Variants in BMP8A observed in about 807,000 individuals in gnomAD.
The protein encoded by BMP8A is bone morphogenetic protein 8a, also known as BMP-8A.
BMP8A carries 14 observed loss-of-function variants against 36.8 expected under a neutral mutation model. The observed-to-expected ratio is 0.38, with a 90% CI of 0.25 to 0.60. The LOEUF is 0.60. BMP8A is among the 20% of genes least tolerant of loss of function. The pLI is 0.63. For missense variants in BMP8A, 267 were observed against 551.1 expected (o/e 0.48, Z 5.16); for synonymous variants, 120 against 237.7 (o/e 0.50, Z 4.55).
chr1:39,498,773 G>A (rs930333750), intron 1 of BMP8A, among the ~76,000 whole-genome samples: 5 of 152,034 alleles, frequency 3.3e-5, no homozygotes, highest in East Asian at 3.9e-4. Flanking sequence ...AGCCAGGCAG[G>A]CCCAGCCCAT....
At chr1:39,517,523 C>T (rs1453703115) in intron 3 of BMP8A, among the ~76,000 whole-genome samples, 1 of 152,000 alleles carries the variant, frequency 6.6e-6, no homozygotes, top group Admixed American at 6.6e-5. Context: ...TAGGGTTTCT[C>T]CATATTGGCC....
In BMP8A at chr1:39,491,941, CA is replaced by C. The variant is rs1043437270; in HGVS notation, c.-50del. 4 of 1,058,586 alleles carry C rather than the reference CA, an allele frequency of 3.8e-6. No homozygotes were observed. In the African/African-American group the frequency reaches 6.8e-5, roughly 18 times the overall value. 65.6% of individuals were successfully genotyped at this position (1,058,586 alleles called of 1,614,324 possible). On this transcript the variant is annotated 5_prime_UTR_variant, in exon 1 of 7. Transcript: ENST00000331593. ...TTCGCCGTCGGGGCGTCCCCGGGCCCAGGGGCGGCGGCGGAGCTGATGTGCG... is the reference window on the plus strand; with the variant it reads ...TTCGCCGTCGGGGCGTCCCCGGGCCCGGGGCGGCGGCGGAGCTGATGTGCG...
intron 1 of BMP8A, among the ~76,000 whole-genome samples, chr1:39,503,783 G>A (rs1382501093): frequency 6.6e-6 from 1 of 151,712 alleles, no homozygotes; most frequent in Non-Finnish European, 1.5e-5. Flanking sequence ...AAAGTGCTAG[G>A]ATTATAGGCA....
Position 39,524,403 on chromosome 1 carries a change from C to A in BMP8A, c.1060-1246C>A, listed in dbSNP as rs1324867874. Among the ~76,000 whole-genome samples the A allele has an allele frequency of 1.3e-5, 2 of 152,174 alleles. No homozygotes were observed. The highest frequency in any genetic ancestry group is 4.8e-5 in the African/African-American group (2 of 41,452). On this transcript the variant is annotated intron_variant, in intron 6 of 6. Coordinates refer to ENST00000331593, the MANE Select transcript of BMP8A (RefSeq NM_181809.4). This position sits in a 1 kb window ranked among gnomAD's most constrained non-coding sequence, Gnocchi z 4.0. ...AAACCAACCGTGGAGTTGACACCTC[C>A]TGTGAGGAAGAGCAGAGCAGCCGTG...
chr1:39,499,050 C>T (rs1645230919), intron 1 of BMP8A, among the ~76,000 whole-genome samples: 1 of 152,154 alleles, frequency 6.6e-6, no homozygotes, highest in Admixed American at 6.5e-5. Context: ...GATGAGCTGA[C>T]ATGCGAGCCT....
chr1:39,515,778 G>C, intron 3 of BMP8A: 1 of 1,592,460 alleles, frequency 6.3e-7, no homozygotes, highest in Non-Finnish European at 8.6e-7. Context: ...CGAATTGAGC[G>C]CTTAACGATC....
chr1:39,493,544 C>T (rs966899171), intron 1 of BMP8A, among the ~76,000 whole-genome samples: 2 of 152,200 alleles, frequency 1.3e-5, no homozygotes, highest in Non-Finnish European at 2.9e-5. Flanking sequence ...TGCAGCAGGT[C>T]TTGTGGGGCC....
chr1:39,496,529 A>G (rs1570272657), intron 1 of BMP8A, among the ~76,000 whole-genome samples: 1 of 151,948 alleles, frequency 6.6e-6, no homozygotes, highest in African/African-American at 2.4e-5. Flanking sequence ...AAATGGAGAT[A>G]CTCATCTTAT....
chr1:39,499,700 G>A (rs763315491), intron 1 of BMP8A, among the ~76,000 whole-genome samples: 1 of 152,276 alleles, frequency 6.6e-6, no homozygotes. Context: ...GGAGGCTGAG[G>A]GCTCTCTGAT....
chr1:39,491,929 C>T lies in BMP8A; in HGVS notation c.-63C>T. 9.5e-7 allele frequency: 1 copy of T among 1,050,350 alleles called. No homozygotes were observed. Among genetic ancestry groups the T allele is most frequent in the Non-Finnish European group, 1.1e-6 (1 of 872,508 alleles). 65.1% of individuals were successfully genotyped at this position (1,050,350 alleles called of 1,614,324 possible). A position where few individuals can be genotyped will look rare whatever the true frequency, so the allele number is the denominator to read the frequency against. On this transcript the variant is annotated 5_prime_UTR_variant, in exon 1 of 7. Transcript: ENST00000331593. ...CTCAGCTCCCCGTTCGCCGTCGGGGCGTCCCCGGGCCCAGGGGCGGCGGCG... is the reference window on the plus strand; with the variant it reads ...CTCAGCTCCCCGTTCGCCGTCGGGGTGTCCCCGGGCCCAGGGGCGGCGGCG...
At chr1:39,507,698 G>A (rs983746031) in intron 1 of BMP8A, among the ~76,000 whole-genome samples, 2 of 152,182 alleles carry the variant, frequency 1.3e-5, no homozygotes, top group African/African-American at 4.8e-5. Context: ...GGGAAGGTGG[G>A]GGCTGGGCAT....
At chr1:39,517,602 C>T (rs1180322) in intron 3 of BMP8A, among the ~76,000 whole-genome samples, 62,172 of 148,262 alleles carry the variant, frequency 0.42, 9,390 homozygotes, top group South Asian at 0.62. Context: ...AGGCTTGAGC[C>T]ATTGCACCCG....
At chr1:39,523,979 A>ACAC (rs1557696068) in intron 6 of BMP8A, 3 of 152,550 alleles carry the variant, frequency 2.0e-5, no homozygotes, top group Non-Finnish European at 1.4e-5. Context: ...TAAAAATTAA[A>ACAC]ACACACACAC....
At chr1:39,496,444 T>C (rs1193518305) in intron 1 of BMP8A, among the ~76,000 whole-genome samples, 4 of 151,290 alleles carry the variant, frequency 2.6e-5, no homozygotes, top group Non-Finnish European at 4.4e-5. Context: ...ATTTGCATCC[T>C]GACGCCAACA....
intron 1 of BMP8A, among the ~76,000 whole-genome samples, chr1:39,498,191 A>C (rs1282313588): frequency 6.6e-6 from 1 of 152,042 alleles, no homozygotes; most frequent in Admixed American, 6.5e-5. Flanking sequence ...TCCAGCTCTG[A>C]CCAAAGAATA....
chr1:39,492,354 T>TTGGAGTAAG (rs775991576), intron 1 of BMP8A, 29 bp downstream of exon 1: 1 of 1,521,570 alleles, frequency 6.6e-7, no homozygotes, highest in African/African-American at 1.5e-5. Context: ...GCGGGGACCC[T>TTGGAGTAAG]CGGAGTAAGC....
Position 39,529,208 on chromosome 1 carries a change from A to C in BMP8A, c.*3410A>C, listed in dbSNP as rs1645511763. 1 of 152,236 alleles carries C rather than the reference A, an allele frequency of 6.6e-6. No homozygotes were observed. Among genetic ancestry groups the C allele is most frequent in the Non-Finnish European group, 1.5e-5 (1 of 68,066 alleles). 9.4% of individuals were successfully genotyped at this position (152,236 alleles called of 1,614,324 possible). Reference sequence around the variant, plus strand: ...TTCTGAGCAGGCTCATTTTAAAGGGACTTGCAAATTTGGGCGTTCCTTGTG... The same window carrying C: ...TTCTGAGCAGGCTCATTTTAAAGGGCCTTGCAAATTTGGGCGTTCCTTGTG... On this transcript the variant is annotated 3_prime_UTR_variant, in exon 7 of 7. Transcript: ENST00000331593.
intron 3 of BMP8A, among the ~76,000 whole-genome samples, chr1:39,516,742 G>T (rs1402902839): frequency 6.6e-6 from 1 of 151,876 alleles, no homozygotes; most frequent in Admixed American, 6.6e-5. Flanking sequence ...TGTCCGCTTT[G>T]CTCTGTGATG....
chr1:39,494,657 GT>G (rs748177202), intron 1 of BMP8A, among the ~76,000 whole-genome samples: 1 of 152,060 alleles, frequency 6.6e-6, no homozygotes, highest in African/African-American at 2.4e-5. Flanking sequence ...GCCTGGCCAC[GT>G]GTGAACTTTC....
Sources: allele counts gnomAD v4.1 joint callset (sites outside exome capture counted in the v4.1 genomes callset), GRCh38; gene constraint gnomAD v4.1.1; non-coding constraint Gnocchi (gnomAD v3.1); transcripts MANE v1.5; gene names NCBI Gene and HGNC (gene_info 2026-07-23, HGNC 2026-07-21).